Variants in TFB2M observed in about 807,000 individuals in gnomAD.
TFB2M encodes dimethyladenosine transferase 2, mitochondrial.
TFB2M carries 44 observed loss-of-function variants against 41.3 expected under a neutral mutation model. That is an observed-to-expected ratio of 1.07 (90% CI 0.84 to 1.37). The LOEUF (loss-of-function observed/expected upper bound fraction) is 1.37. TFB2M is among the 40% of genes most tolerant of loss of function. The pLI is 0.00. For synonymous variants in TFB2M, 188 were observed against 176.8 expected (o/e 1.06, Z -0.50); for missense variants, 496 against 490.2 (o/e 1.01, Z -0.11).
chr1:246,557,086 C>T (rs1228540711), intron 3 of TFB2M, among the ~76,000 whole-genome samples: 1 of 152,022 alleles, frequency 6.6e-6, no homozygotes, highest in African/African-American at 2.4e-5. Flanking sequence ...CCAGCCTGGC[C>T]AACATGGTGA....
chr1:246,542,096 T>C (rs770769185), intron 7 of TFB2M, among the ~76,000 whole-genome samples: 4 of 152,102 alleles, frequency 2.6e-5, no homozygotes, highest in Non-Finnish European at 5.9e-5. Context: ...CTGAATACTG[T>C]AGGCAACTGT....
chr1:246,557,103 G>A (rs533421172), intron 3 of TFB2M, among the ~76,000 whole-genome samples: 81 of 152,060 alleles, frequency 5.3e-4, no homozygotes, highest in African/African-American at 1.8e-3. Flanking sequence ...GTGAAACCCC[G>A]TCTCTACCAA....
In TFB2M at chr1:246,555,532, A is replaced by C. The variant is rs1026164002; in HGVS notation, c.705+1041T>G. On this transcript the variant is annotated intron_variant, in intron 4 of 7. Coordinates refer to ENST00000366514, the MANE Select transcript of TFB2M (RefSeq NM_022366.3). ...GGTTGCAGAGAGCTGTGATCATGTC[A>C]CTGCACTCCAGCCTGGGCAACAGGG... Among the ~76,000 whole-genome samples the C allele has an allele frequency of 2.0e-5, 3 of 152,098 alleles. No homozygotes were observed. In the East Asian group the frequency reaches 5.8e-4, roughly 29 times the overall value.
At chr1:246,545,385 T>A (rs960099277) in intron 6 of TFB2M, among the ~76,000 whole-genome samples, 5 of 149,346 alleles carry the variant, frequency 3.3e-5, no homozygotes, top group African/African-American at 1.2e-4. Flanking sequence ...ATTAGCTGGG[T>A]GTGGTGGTGT....
Position 246,564,460 on chromosome 1 carries a change from T to C in TFB2M, c.314-26A>G, listed in dbSNP as rs778212708. 3.1e-6 allele frequency: 5 copies of C among 1,597,646 alleles called. No homozygotes were observed. The South Asian group carries it at 5.5e-5, about 18-fold the overall frequency. ...CTGGCACATTAACAGAACGAAAAGT[T>C]TATTTGTACAAGAAACATAATCTCT... On this transcript the variant is annotated intron_variant, in intron 1 of 7. Transcript: ENST00000366514.
At chr1:246,543,525 T>TA (rs1165751896) in intron 7 of TFB2M, among the ~76,000 whole-genome samples, 1 of 152,048 alleles carries the variant, frequency 6.6e-6, no homozygotes, top group East Asian at 1.9e-4. Context: ...GAGCTGTACT[T>TA]ACAGAAGTGT....
At chr1:246,541,305 T>C in intron 7 of TFB2M, 103 bp from the exon 8 acceptor site, 1 of 1,143,244 alleles carries the variant, frequency 8.7e-7, no homozygotes, top group Non-Finnish European at 1.2e-6. Flanking sequence ...ATGTCTAACT[T>C]AGGCATACAG....
intron 2 of TFB2M, among the ~76,000 whole-genome samples, chr1:246,563,000 T>C (rs1482071072): frequency 6.6e-6 from 1 of 152,122 alleles, no homozygotes; most frequent in African/African-American, 2.4e-5. Flanking sequence ...AATGTCTCCT[T>C]AGCCTTGACG....
Position 246,565,344 on chromosome 1 carries a change from C to T in TFB2M, c.313+482G>A, listed in dbSNP as rs145178091. Among the ~76,000 whole-genome samples, 199 of 152,298 alleles carry T rather than the reference C, an allele frequency of 1.3e-3. 1 individual carries two copies. The highest frequency in any genetic ancestry group is 4.6e-3 in the African/African-American group (190 of 41,562). On this transcript the variant is annotated intron_variant, in intron 1 of 7. Transcript: ENST00000366514. Reference sequence around the variant, plus strand: ...TAAAGTGCAAGCTGCTACAGAAATACTTTGTGGTGTCATTAACGATACAGA... The same window carrying T: ...TAAAGTGCAAGCTGCTACAGAAATATTTTGTGGTGTCATTAACGATACAGA...
intron 5 of TFB2M, among the ~76,000 whole-genome samples, chr1:246,549,872 G>A (rs1056853984): frequency 1.3e-5 from 2 of 152,114 alleles, no homozygotes; most frequent in African/African-American, 2.4e-5. Flanking sequence ...ACCATCAGCC[G>A]TGCACAATGA....
chr1:246,551,243 T>G lies in TFB2M; in HGVS notation c.765A>C (p.Gln255His), dbSNP rs374336324. The change falls in exon 5 of 8, where the codon CAA (glutamine) becomes CAC (histidine). Residue 255 changes from glutamine to histidine, a missense_variant. Coordinates refer to ENST00000366514, the MANE Select transcript of TFB2M (RefSeq NM_022366.3). ...DLYHVLSVIW[Q>H]LACEIKVLHM... is the part of the protein sequence containing the mutation. ...GCAGAACCTTAATCTCACAAGCTAATTGCCAGATAACACTTAATACATGAT... is the reference window on the plus strand; with the variant it reads ...GCAGAACCTTAATCTCACAAGCTAAGTGCCAGATAACACTTAATACATGAT... 1.2e-6 allele frequency: 2 copies of G among 1,613,812 alleles called. No individual in the cohort carries two copies. Among genetic ancestry groups the G allele is most frequent in the Non-Finnish European group, 1.7e-6 (2 of 1,179,848 alleles).
intron 3 of TFB2M, 79 bp from the exon 4 acceptor site, chr1:246,556,800 T>C: frequency 8.6e-7 from 1 of 1,156,924 alleles, no homozygotes; most frequent in Non-Finnish European, 1.2e-6. Context: ...TGAGACAAAC[T>C]AAGTTAACAA....
chr1:246,540,770 T>A lies in TFB2M; in HGVS notation c.*261A>T, dbSNP rs553851814. On this transcript the variant is annotated 3_prime_UTR_variant, in exon 8 of 8. Transcript: ENST00000366514. ...CAACAGTACAAGTGAAATATTTAAATAGGAATCTGAAACAAAACGAATTCA... is the reference window on the plus strand; with the variant it reads ...CAACAGTACAAGTGAAATATTTAAAAAGGAATCTGAAACAAAACGAATTCA... 2.8e-6 allele frequency: 1 copy of A among 355,564 alleles called. No individual in the cohort carries two copies. The highest frequency in any genetic ancestry group is 5.1e-6 in the Non-Finnish European group (1 of 196,616). 22.0% of individuals were successfully genotyped at this position (355,564 alleles called of 1,614,324 possible).
intron 4 of TFB2M, among the ~76,000 whole-genome samples, chr1:246,551,828 AC>A (rs1407134935): frequency 6.6e-6 from 1 of 152,158 alleles, no homozygotes; most frequent in Non-Finnish European, 1.5e-5. Context: ...GTGGAATATA[AC>A]CCTAGCAGCA....
chr1:246,557,658 G>A, intron 2 of TFB2M, 124 bp from the exon 3 acceptor site: 1 of 869,880 alleles, frequency 1.1e-6, no homozygotes, highest in Non-Finnish European at 1.7e-6. Flanking sequence ...TCAATTACCT[G>A]GGGTTTTTTT....
At chr1:246,551,158 T>A (rs1659167466) in intron 5 of TFB2M, 55 bp downstream of exon 5, 2 of 1,398,132 alleles carry the variant, frequency 1.4e-6, no homozygotes, top group Non-Finnish European at 2.0e-6. Context: ...CTGGGCAACA[T>A]AATGAGACCC....
intron 3 of TFB2M, 145 bp downstream of exon 3, chr1:246,557,236 G>A: frequency 1.1e-6 from 1 of 890,568 alleles, no homozygotes; most frequent in Non-Finnish European, 1.7e-6. Flanking sequence ...TCGCGCCACT[G>A]CACTCCAGCC....
At chr1:246,554,188 A>C (rs902348015) in intron 4 of TFB2M, among the ~76,000 whole-genome samples, 2 of 152,256 alleles carry the variant, frequency 1.3e-5, no homozygotes, top group Admixed American at 1.3e-4. Flanking sequence ...AAATGGATCA[A>C]AGACCTAAAC....
chr1:246,562,947 C>T (rs1266377731), intron 2 of TFB2M, among the ~76,000 whole-genome samples: 2 of 152,116 alleles, frequency 1.3e-5, no homozygotes, highest in Admixed American at 1.3e-4. Context: ...TGTGAGCCAC[C>T]GCGCCCGGCC....
Sources: gnomAD v4.1 joint callset for allele counts (sites outside exome capture counted in the v4.1 genomes callset) on GRCh38, gnomAD v4.1.1 for gene constraint, MANE v1.5 for transcripts, NCBI Gene and HGNC (gene_info 2026-07-23, HGNC 2026-07-21) for gene names.